ADAMTS12: variants seen among roughly 807,000 people sequenced by gnomAD.
ADAMTS12 encodes A disintegrin and metalloproteinase with thrombospondin motifs 12.
ADAMTS12 carries 118 observed loss-of-function variants against 167.8 expected under a neutral mutation model. The ratio of observed to expected loss-of-function variants is 0.70; its 90% CI spans 0.61 to 0.82. ADAMTS12 has a LOEUF of 0.82. Ranked by LOEUF, ADAMTS12 falls within the 40% of genes least tolerant of loss-of-function variation. The pLI is 0.00. For synonymous variants in ADAMTS12, 704 were observed against 716.9 expected (o/e 0.98, Z 0.29); for missense variants, 1,916 against 1,998.8 (o/e 0.96, Z 0.79).
intron 2 of ADAMTS12, among the ~76,000 whole-genome samples, chr5:33,781,778 G>T (rs899701906): frequency 2.0e-5 from 3 of 151,800 alleles, no homozygotes; most frequent in Non-Finnish European, 4.4e-5. Context: ...CATGTGCCAT[G>T]CTGGTGTGCT....
chr5:33,611,038 C>T (rs1245957249), intron 16 of ADAMTS12, among the ~76,000 whole-genome samples: 1 of 151,384 alleles, frequency 6.6e-6, no homozygotes, highest in African/African-American at 2.5e-5. Context: ...CCACTCCAGC[C>T]TGGGTGACAG....
At chr5:33,665,421 GT>G (rs1741431135) in intron 5 of ADAMTS12, among the ~76,000 whole-genome samples, 2 of 152,230 alleles carry the variant, frequency 1.3e-5, no homozygotes, top group South Asian at 4.2e-4. Context: ...AGCATACAAG[GT>G]AATGTATGCG....
intron 2 of ADAMTS12, among the ~76,000 whole-genome samples, chr5:33,839,554 T>G (rs1053431873): frequency 7.9e-5 from 12 of 152,204 alleles, no homozygotes; most frequent in African/African-American, 2.7e-4. Flanking sequence ...GCTCCAACTC[T>G]GGAAGGGAAC....
intron 2 of ADAMTS12, among the ~76,000 whole-genome samples, chr5:33,830,914 C>A (rs2591726): frequency 0.56 from 84,463 of 151,862 alleles, 23,721 homozygotes; most frequent in African/African-American, 0.65. Flanking sequence ...AAAAAGAATT[C>A]TTTCTTATTT....
At chr5:33,825,078 G>C (rs1283939225) in intron 2 of ADAMTS12, among the ~76,000 whole-genome samples, 1 of 152,166 alleles carries the variant, frequency 6.6e-6, no homozygotes, top group Non-Finnish European at 1.5e-5. Context: ...TGGCAGCTGT[G>C]TGTTAAAAGT....
At chr5:33,612,149 C>A (rs1738757987) in intron 16 of ADAMTS12, among the ~76,000 whole-genome samples, 1 of 152,176 alleles carries the variant, frequency 6.6e-6, no homozygotes. Context: ...TGTCTTTCTC[C>A]TTTGCCAGAG....
At chr5:33,818,200 G>A (rs1390440244) in intron 2 of ADAMTS12, among the ~76,000 whole-genome samples, 1 of 151,812 alleles carries the variant, frequency 6.6e-6, no homozygotes, top group African/African-American at 2.4e-5. Context: ...TGTTACATTA[G>A]ATCTCTAAAC....
chr5:33,879,599 C>A (rs1050728546), intron 2 of ADAMTS12, among the ~76,000 whole-genome samples: 1 of 152,114 alleles, frequency 6.6e-6, no homozygotes, highest in Non-Finnish European at 1.5e-5. Context: ...AAATAGAAAA[C>A]CATTCACCAT....
intron 2 of ADAMTS12, among the ~76,000 whole-genome samples, chr5:33,788,350 T>C (rs1746407971): frequency 6.6e-6 from 1 of 151,608 alleles, no homozygotes; most frequent in South Asian, 2.1e-4. Flanking sequence ...TTAAATTTCA[T>C]AACAACTCAC....
At chr5:33,675,556 C>T (rs1741873447) in intron 5 of ADAMTS12, among the ~76,000 whole-genome samples, 1 of 152,152 alleles carries the variant, frequency 6.6e-6, no homozygotes, top group Non-Finnish European at 1.5e-5. Context: ...ATTTAAAGTT[C>T]CTCGTGCAGA....
At chr5:33,559,619 G>A (rs1011486544) in intron 20 of ADAMTS12, among the ~76,000 whole-genome samples, 4 of 152,182 alleles carry the variant, frequency 2.6e-5, no homozygotes, top group Admixed American at 6.5e-5. Context: ...GGTGGCTTAC[G>A]CCTGCAATCT....
intron 17 of ADAMTS12, among the ~76,000 whole-genome samples, chr5:33,594,265 G>A (rs1474717331): frequency 6.6e-6 from 1 of 152,202 alleles, no homozygotes; most frequent in Non-Finnish European, 1.5e-5. Context: ...CATAAGACAT[G>A]CCTTTCCCCT....
At chr5:33,788,314 G>A (rs1041326444) in intron 2 of ADAMTS12, among the ~76,000 whole-genome samples, 4 of 151,632 alleles carry the variant, frequency 2.6e-5, no homozygotes, top group African/African-American at 7.3e-5. Context: ...CAATAAATAC[G>A]CAGAAGTTCA....
intron 16 of ADAMTS12, among the ~76,000 whole-genome samples, chr5:33,603,085 G>A (rs187725824): frequency 8.9e-4 from 135 of 152,268 alleles, no homozygotes; most frequent in African/African-American, 3.1e-3. Context: ...GCCCCAAAAC[G>A]CAGAATCAAG....
chr5:33,604,470 T>C (rs1481674497), intron 16 of ADAMTS12, among the ~76,000 whole-genome samples: 4 of 149,564 alleles, frequency 2.7e-5, no homozygotes, highest in African/African-American at 4.9e-5. Context: ...CACTGCACTC[T>C]AGCTTGGGCA....
At chr5:33,804,959 A>T (rs57520236) in intron 2 of ADAMTS12, among the ~76,000 whole-genome samples, 8,646 of 152,220 alleles carry the variant, frequency 0.057, 861 homozygotes, top group African/African-American at 0.2. Context: ...AAGATGAAGT[A>T]CCCATTCATT....
intron 20 of ADAMTS12, among the ~76,000 whole-genome samples, chr5:33,550,547 C>T (rs999883054): frequency 3.3e-5 from 5 of 152,116 alleles, no homozygotes; most frequent in African/African-American, 7.2e-5. Context: ...CTTGGGGTTC[C>T]CATGTCCTGA....
At chr5:33,776,190 A>G (rs888200621) in intron 2 of ADAMTS12, among the ~76,000 whole-genome samples, 1 of 152,216 alleles carries the variant, frequency 6.6e-6, no homozygotes, top group Admixed American at 6.5e-5. Context: ...ATAAGGTAAC[A>G]TTGAAATTGA....
At chr5:33,841,705 G>GACTATTCAGTCT (rs1250091480) in intron 2 of ADAMTS12, among the ~76,000 whole-genome samples, 2 of 152,192 alleles carry the variant, frequency 1.3e-5, no homozygotes, top group Non-Finnish European at 2.9e-5. Context: ...TTGCATGTAA[G>GACTATTCAGTCT]TGCATTATGG....
Sources: allele counts gnomAD v4.1 joint callset (sites outside exome capture counted in the v4.1 genomes callset), GRCh38; gene constraint gnomAD v4.1.1; transcripts MANE v1.5; gene names NCBI Gene and HGNC (gene_info 2026-07-23, HGNC 2026-07-21).